USP6NL: variants seen among roughly 807,000 people sequenced by gnomAD.
USP6NL encodes USP6 N-terminal like.
USP6NL carries 26 observed loss-of-function variants against 61.9 expected under a neutral mutation model. That is an observed-to-expected ratio of 0.42 (90% CI 0.31 to 0.58). USP6NL has a LOEUF of 0.58. USP6NL is among the 20% of genes least tolerant of loss of function. USP6NL has a pLI of 0.16. For synonymous variants in USP6NL, 432 were observed against 390.1 expected, an observed-to-expected ratio of 1.11 and a Z score of -1.27; for missense variants, 1,114 against 1,034.3, an observed-to-expected ratio of 1.08 and a Z score of -1.06.
chr10:11,472,806 T>C (rs1485821209), intron 14 of USP6NL, among the ~76,000 whole-genome samples: 2 of 152,198 alleles, frequency 1.3e-5, no homozygotes, highest in African/African-American at 4.8e-5. Context: ...TATAGTTGGG[T>C]TCATAGGCTT....
At position 11,473,456 on chromosome 10, in the gene USP6NL, A is replaced by C. The variant is rs545676263; in HGVS notation, c.1078+8314T>G. Among the ~76,000 whole-genome samples, 6 of 152,310 alleles carry C rather than the reference A, an allele frequency of 3.9e-5. No individual in the cohort carries two copies. In the East Asian group the frequency reaches 1.2e-3, roughly 29 times the overall value. On this transcript the variant is annotated intron_variant, in intron 14 of 14. Transcript: ENST00000609104. ...TGGGGAGGCCAGGCACCGGCTGAGA[A>C]GGCTTCAGGCGATGCTTAAACCAAG...
In USP6NL at chr10:11,532,464, T is replaced by C. The variant is rs1835697881; in HGVS notation, c.5-4897A>G. On this transcript the variant is annotated intron_variant, in intron 2 of 14. Transcript: ENST00000609104. This position sits in a 1 kb window ranked among gnomAD's most constrained non-coding sequence, Gnocchi z 4.1. ...TTGCTGTGGTTACACAGACTATATA[T>C]TTTCAAACAAAGCTGATCATTGTTG... 6.6e-6 allele frequency among the ~76,000 whole-genome samples: 1 copy of C among 152,192 alleles called. No individual in the cohort carries two copies. The highest frequency in any genetic ancestry group is 1.5e-5 in the Non-Finnish European group (1 of 68,030).
chr10:11,588,071 T>G (rs994265111), intron 2 of USP6NL, among the ~76,000 whole-genome samples: 4 of 152,306 alleles, frequency 2.6e-5, no homozygotes, highest in South Asian at 4.1e-4. Context: ...TTAGGTCAGA[T>G]CCCATTACAG....
Position 11,481,829 on chromosome 10 carries a change from T to C in USP6NL, c.1019A>G (p.Glu340Gly). ...TTCTGTCATAGAAATCTGAAGTTGC[T>C]CTATCACAAAATCATCTTCAAAGAA... The part of the protein sequence containing the change: ...DFFFEDDFVI[E>G]QLQISMTELK... Residue 340 changes from glutamate (E) to glycine (G), a missense_variant, in exon 14 of 15, where the codon GAG becomes GGG. Transcript: ENST00000609104. This position sits in a 1 kb window ranked among gnomAD's most constrained non-coding sequence, Gnocchi z 4.4. 6.2e-7 allele frequency: 1 copy of C among 1,613,242 alleles called. No homozygotes were observed. Among genetic ancestry groups the C allele is most frequent in the Non-Finnish European group, 8.5e-7 (1 of 1,179,574 alleles).
rs1837522974 is a variant in USP6NL at position 11,575,806 on chromosome 10, T to C, written c.4+21825A>G. 1.3e-5 allele frequency among the ~76,000 whole-genome samples: 2 copies of C among 152,166 alleles called. No individual in the cohort carries two copies. The highest frequency in any genetic ancestry group is 6.5e-5 in the Admixed American group (1 of 15,268). ...TGAACTCTTTAAAATGCCAAAGTCA[T>C]AGAAGACAAAGACAGACTGAGAAAG... On this transcript the variant is annotated intron_variant, in intron 2 of 14. Transcript: ENST00000609104. This position sits in a 1 kb window ranked among gnomAD's most constrained non-coding sequence, Gnocchi z 4.2.
rs567837371 is a variant in USP6NL at position 11,529,178 on chromosome 10, G to GA, written c.5-1612dup. Among the ~76,000 whole-genome samples, 49 of 148,018 alleles carry GA rather than the reference G, an allele frequency of 3.3e-4. 1 individual carries two copies. The South Asian group carries it at 4.9e-3, about 15-fold the overall frequency. ...ATCTAAAATGAAAAACCAAGACATA[G>GA]AAAAAAAAAATCAACTTCATTAGTA... On this transcript the variant is annotated intron_variant, in intron 2 of 14. Coordinates refer to ENST00000609104, the MANE Select transcript of USP6NL (RefSeq NM_014688.5).
In USP6NL at chr10:11,575,650, C is replaced by T. The variant is rs1327057389; in HGVS notation, c.4+21981G>A. ...AATCACATAGCAATCACTTTGAACACATTGGTTCACTACTGTCAATGCTTA... is the reference window on the plus strand; with the variant it reads ...AATCACATAGCAATCACTTTGAACATATTGGTTCACTACTGTCAATGCTTA... On this transcript the variant is annotated intron_variant, in intron 2 of 14. Transcript: ENST00000609104. The surrounding 1 kb of genome is among the most constrained non-coding windows in gnomAD (Gnocchi z 4.2). 6.6e-6 allele frequency among the ~76,000 whole-genome samples: 1 copy of T among 152,202 alleles called. No homozygotes were observed. The highest frequency in any genetic ancestry group is 2.4e-5 in the African/African-American group (1 of 41,446).
intron 13 of USP6NL, among the ~76,000 whole-genome samples, 152 bp downstream of exon 13, chr10:11,484,819 T>C (rs1347627432): frequency 6.6e-6 from 1 of 152,192 alleles, no homozygotes; most frequent in Non-Finnish European, 1.5e-5. Context: ...AAAAGTACAT[T>C]ACCAATTGAT....
chr10:11,521,388 AAT>A (rs918294699), intron 4 of USP6NL, among the ~76,000 whole-genome samples: 1 of 124,502 alleles, frequency 8.0e-6, no homozygotes, highest in African/African-American at 3.3e-5. Flanking sequence ...TTTTTTTTTA[AAT>A]TTTTTTTTTA....
chr10:11,523,457 G>GT (rs372391296), intron 4 of USP6NL, among the ~76,000 whole-genome samples: 1 of 152,136 alleles, frequency 6.6e-6, no homozygotes, highest in Non-Finnish European at 1.5e-5. Context: ...TGTGAATGTA[G>GT]TTTTTTCTTA....
intron 5 of USP6NL, among the ~76,000 whole-genome samples, chr10:11,514,102 C>G (rs548270419): frequency 6.6e-6 from 1 of 152,306 alleles, no homozygotes; most frequent in African/African-American, 2.4e-5. Context: ...CCCAATTTTT[C>G]CATTAATAGA....
At chr10:11,533,520 G>C (rs955645999) in intron 2 of USP6NL, among the ~76,000 whole-genome samples, 1 of 152,184 alleles carries the variant, frequency 6.6e-6, no homozygotes, top group African/African-American at 2.4e-5. Flanking sequence ...GAATCCTTCT[G>C]AACAGGAAGC....
chr10:11,594,249 C>T (rs760666896), intron 2 of USP6NL, among the ~76,000 whole-genome samples: 6 of 152,050 alleles, frequency 3.9e-5, no homozygotes, highest in East Asian at 1.9e-4. Flanking sequence ...CAATTTCTTT[C>T]GCTAGAGAAA....
Position 11,592,095 on chromosome 10 carries a change from C to T in USP6NL, c.4+5536G>A, listed in dbSNP as rs1238431116. Among the ~76,000 whole-genome samples, 1 of 152,182 alleles carries T rather than the reference C, an allele frequency of 6.6e-6. No individual in the cohort carries two copies. The highest frequency in any genetic ancestry group is 2.4e-5 in the African/African-American group (1 of 41,428). On this transcript the variant is annotated intron_variant, in intron 2 of 14. Transcript: ENST00000609104. This position sits in a 1 kb window ranked among gnomAD's most constrained non-coding sequence, Gnocchi z 4.7. Reference sequence around the variant, plus strand: ...CCATGTTGGCCAGGCTGGTCTTGAACTCCTGACCTCAGGTGATCTGGCCAC... The same window carrying T: ...CCATGTTGGCCAGGCTGGTCTTGAATTCCTGACCTCAGGTGATCTGGCCAC...
At chr10:11,483,424 C>T (rs531350255) in intron 13 of USP6NL, among the ~76,000 whole-genome samples, 1 of 132,552 alleles carries the variant, frequency 7.5e-6, no homozygotes, top group East Asian at 2.3e-4. Flanking sequence ...GCTAATGTCT[C>T]TTAATAAAAA....
chr10:11,534,544 G>C (rs771400668), intron 2 of USP6NL, among the ~76,000 whole-genome samples: 1 of 152,208 alleles, frequency 6.6e-6, no homozygotes, highest in African/African-American at 2.4e-5. Context: ...CATGGGTATA[G>C]TAGTGATACA....
chr10:11,549,897 G>C (rs1388344802), intron 2 of USP6NL, among the ~76,000 whole-genome samples: 1 of 152,154 alleles, frequency 6.6e-6, no homozygotes, highest in East Asian at 1.9e-4. Context: ...ACTCAAGAGT[G>C]AGATTACAAA....
intron 6 of USP6NL, among the ~76,000 whole-genome samples, chr10:11,504,215 TAC>T (rs1834337151): frequency 6.6e-6 from 1 of 152,208 alleles, no homozygotes; most frequent in African/African-American, 2.4e-5. Flanking sequence ...ACTAACTTAT[TAC>T]AGTTACATAT....
chr10:11,586,543 T>C (rs1588413739), intron 2 of USP6NL, among the ~76,000 whole-genome samples: 1 of 152,160 alleles, frequency 6.6e-6, no homozygotes, highest in African/African-American at 2.4e-5. Context: ...AAATTGCATA[T>C]ACACTATTAA....
Sources: gnomAD v4.1 joint callset for allele counts (sites outside exome capture counted in the v4.1 genomes callset) on GRCh38, gnomAD v4.1.1 for gene constraint, Gnocchi (gnomAD v3.1) non-coding constraint, MANE v1.5 for transcripts, NCBI Gene and HGNC (gene_info 2026-07-23, HGNC 2026-07-21) for gene names.